ALK: variants seen among roughly 807,000 people sequenced by gnomAD.
The protein encoded by ALK is ALK tyrosine kinase receptor.
ALK carries 74 observed loss-of-function variants against 163.1 expected under a neutral mutation model. The observed-to-expected ratio is 0.45, with a 90% CI of 0.38 to 0.55. The LOEUF is 0.55. Among genes scored for constraint, ALK ranks in the 20% least tolerant of loss-of-function variants. ALK has a pLI of 0.00. For synonymous variants in ALK, 960 were observed against 843.2 expected (o/e 1.14, Z -2.40); for missense variants, 2,063 against 2,105.3 (o/e 0.98, Z 0.39).
At chr2:29,698,258 C>A (rs1330834752) in intron 2 of ALK, among the ~76,000 whole-genome samples, 6 of 152,214 alleles carry the variant, frequency 3.9e-5, no homozygotes, top group South Asian at 2.1e-4. Context: ...GAGCAGACTG[C>A]AAAGAGAAAA....
In ALK at chr2:29,296,895, A is replaced by G; in HGVS notation, c.1810T>C (p.Ser604Pro). 1 of 1,614,180 alleles carries G rather than the reference A, an allele frequency of 6.2e-7. No homozygotes were observed. Among genetic ancestry groups the G allele is most frequent in the Non-Finnish European group, 8.5e-7 (1 of 1,180,022 alleles). ...QWMVLPLLDV[S>P]DRFWLQMVAW... ...GAGATGCATAGAGCCTACCTGTCAG[A>G]CACATCGAGGAGAGGCAACACCATC... Residue 604 changes from serine (S) to proline (P), a missense_variant, in exon 9 of 29, where the codon TCT becomes CCT. Coordinates refer to ENST00000389048, the MANE Select transcript of ALK (RefSeq NM_004304.5).
intron 8 of ALK, among the ~76,000 whole-genome samples, chr2:29,312,594 C>T (rs1213290008): frequency 6.6e-6 from 1 of 152,168 alleles, no homozygotes; most frequent in Non-Finnish European, 1.5e-5. Flanking sequence ...CTCCGACTTG[C>T]TCTAGGTATC....
chr2:29,584,441 G>A (rs1376769786), intron 3 of ALK, among the ~76,000 whole-genome samples: 3 of 152,160 alleles, frequency 2.0e-5, no homozygotes, highest in Admixed American at 6.5e-5. Context: ...GTCTGATTTG[G>A]TAACATACCC....
intron 1 of ALK, among the ~76,000 whole-genome samples, chr2:29,839,601 T>C (rs369035262): frequency 6.6e-5 from 10 of 152,304 alleles, no homozygotes; most frequent in East Asian, 5.8e-4. Context: ...AAAATGGTTG[T>C]CTCGCCATTC....
chr2:29,537,521 T>C (rs1047692615), intron 3 of ALK, among the ~76,000 whole-genome samples: 2 of 152,182 alleles, frequency 1.3e-5, no homozygotes, highest in African/African-American at 2.4e-5. Flanking sequence ...CTAAATGCCA[T>C]AGGAGGCATG....
At chr2:29,608,712 C>A (rs1675608311) in intron 3 of ALK, among the ~76,000 whole-genome samples, 1 of 152,088 alleles carries the variant, frequency 6.6e-6, no homozygotes, top group South Asian at 2.1e-4. Flanking sequence ...CCAGTTGTGA[C>A]CAAGAAGATG....
chr2:29,323,235 G>A (rs1464587165), intron 6 of ALK, among the ~76,000 whole-genome samples: 1 of 152,190 alleles, frequency 6.6e-6, no homozygotes, highest in African/African-American at 2.4e-5. Flanking sequence ...AGGTGCAAAT[G>A]TAAAGTGGTG....
intron 4 of ALK, among the ~76,000 whole-genome samples, chr2:29,412,870 G>C (rs967336342): frequency 1.3e-5 from 2 of 152,222 alleles, no homozygotes; most frequent in Non-Finnish European, 2.9e-5. Flanking sequence ...TTTAATCCAA[G>C]TTGTGAGGAG....
At chr2:29,830,116 G>A (rs1161755607) in intron 1 of ALK, among the ~76,000 whole-genome samples, 1 of 152,186 alleles carries the variant, frequency 6.6e-6, no homozygotes, top group African/African-American at 2.4e-5. Flanking sequence ...TTGTGTAGTG[G>A]ATGTTTTAGT....
chr2:29,802,261 G>T (rs1446383371), intron 1 of ALK, among the ~76,000 whole-genome samples: 1 of 148,012 alleles, frequency 6.8e-6, no homozygotes, highest in Non-Finnish European at 1.5e-5. Context: ...CCATGGTCTT[G>T]CTTATCAAGA....
At chr2:29,625,349 A>C (rs1676161854) in intron 3 of ALK, among the ~76,000 whole-genome samples, 1 of 152,238 alleles carries the variant, frequency 6.6e-6, no homozygotes, top group Admixed American at 6.5e-5. Flanking sequence ...GAGTGCACAC[A>C]TGCATAGTAT....
At chr2:29,670,532 T>C (rs1176528217) in intron 3 of ALK, among the ~76,000 whole-genome samples, 1 of 152,066 alleles carries the variant, frequency 6.6e-6, no homozygotes, top group African/African-American at 2.4e-5. Context: ...TCATAGACCT[T>C]GGATTTGTAT....
At chr2:29,789,182 T>C (rs1664125895) in intron 1 of ALK, among the ~76,000 whole-genome samples, 1 of 152,164 alleles carries the variant, frequency 6.6e-6, no homozygotes, top group Non-Finnish European at 1.5e-5. Context: ...TGTGATGAAC[T>C]CTTGAATCTC....
intron 4 of ALK, among the ~76,000 whole-genome samples, chr2:29,425,794 C>G (rs1670121830): frequency 3.9e-5 from 6 of 152,146 alleles, no homozygotes; most frequent in Admixed American, 1.3e-4. Flanking sequence ...TGAGGGAGTT[C>G]AAGCCTAAGA....
At chr2:29,231,155 T>C (rs983118334) in intron 15 of ALK, among the ~76,000 whole-genome samples, 4 of 152,006 alleles carry the variant, frequency 2.6e-5, no homozygotes, top group African/African-American at 9.7e-5. Flanking sequence ...CTGACCAACA[T>C]GGAGAAACCA....
intron 24 of ALK, among the ~76,000 whole-genome samples, chr2:29,213,527 C>T (rs1434328031): frequency 6.6e-6 from 1 of 152,124 alleles, no homozygotes; most frequent in African/African-American, 2.4e-5. Context: ...AGGGGGAAGC[C>T]TTAAAGTGAT....
intron 8 of ALK, among the ~76,000 whole-genome samples, chr2:29,303,208 C>T (rs565682628): frequency 3.9e-5 from 6 of 152,004 alleles, no homozygotes; most frequent in Non-Finnish European, 7.4e-5. Flanking sequence ...CACCTTTGCC[C>T]TTTGTCTGGG....
chr2:29,634,778 C>A (rs1676475214), intron 3 of ALK, among the ~76,000 whole-genome samples: 2 of 152,016 alleles, frequency 1.3e-5, no homozygotes, highest in Admixed American at 1.3e-4. Flanking sequence ...GGCAATAGGG[C>A]AAAAATACAT....
intron 11 of ALK, among the ~76,000 whole-genome samples, chr2:29,266,469 T>C (rs1226359132): frequency 6.6e-6 from 1 of 152,210 alleles, no homozygotes; most frequent in Non-Finnish European, 1.5e-5. Flanking sequence ...TTGGCCCATC[T>C]TTTTGCTTAC....
Sources: allele counts gnomAD v4.1 joint callset (sites outside exome capture counted in the v4.1 genomes callset), GRCh38; gene constraint gnomAD v4.1.1; transcripts MANE v1.5; gene names NCBI Gene and HGNC (gene_info 2026-07-23, HGNC 2026-07-21).